The following NUDCD3 variants were observed in gnomAD, a reference collection of about 807,000 sequenced individuals.
NUDCD3 encodes the protein NudC domain containing 3.
NUDCD3 carries 13 observed loss-of-function variants against 39.7 expected under a neutral mutation model. The observed-to-expected ratio is 0.33, with a 90% CI of 0.21 to 0.52. The LOEUF is 0.52. Ranked by LOEUF, NUDCD3 falls within the 20% of genes least tolerant of loss-of-function variation. The pLI is 0.96. For synonymous variants in NUDCD3, 175 were observed against 172.4 expected (o/e 1.02, Z -0.12); for missense variants, 453 against 458.1 (o/e 0.99, Z 0.10).
intron 2 of NUDCD3, among the ~76,000 whole-genome samples, chr7:44,469,939 A>T (rs1325003379): frequency 2.6e-5 from 4 of 152,194 alleles, no homozygotes. Context: ...CTGAAGAGAG[A>T]CACAACCACG....
intron 2 of NUDCD3, among the ~76,000 whole-genome samples, chr7:44,462,135 G>C (rs1800028293): frequency 6.6e-6 from 1 of 151,666 alleles, no homozygotes; most frequent in Non-Finnish European, 1.5e-5. Context: ...GAATTATCAG[G>C]GACATGTACA....
At chr7:44,440,469 C>T (rs527661667) in intron 2 of NUDCD3, among the ~76,000 whole-genome samples, 1 of 107,756 alleles carries the variant, frequency 9.3e-6, no homozygotes, top group African/African-American at 3.5e-5. Context: ...AAAAGGGACA[C>T]TAACTAGTGA....
chr7:44,430,549 A>C (rs1217711832), intron 2 of NUDCD3, among the ~76,000 whole-genome samples: 1 of 141,764 alleles, frequency 7.1e-6, no homozygotes, highest in Non-Finnish European at 1.5e-5. Context: ...ATATAAATAA[A>C]ATACCCACAC....
At chr7:44,466,727 T>C (rs1385031873) in intron 2 of NUDCD3, among the ~76,000 whole-genome samples, 1 of 152,224 alleles carries the variant, frequency 6.6e-6, no homozygotes, top group Non-Finnish European at 1.5e-5. Flanking sequence ...AGGTCACAGC[T>C]AGTCCTACCT....
intron 2 of NUDCD3, among the ~76,000 whole-genome samples, chr7:44,482,077 AAAC>A (rs1232591971): frequency 1.3e-5 from 2 of 152,240 alleles, no homozygotes; most frequent in Non-Finnish European, 2.9e-5. Context: ...GGACTATGAC[AAAC>A]AACTTTGTAT....
intron 2 of NUDCD3, among the ~76,000 whole-genome samples, chr7:44,451,108 A>T (rs1252972441): frequency 6.6e-6 from 1 of 152,256 alleles, no homozygotes; most frequent in Admixed American, 6.5e-5. Flanking sequence ...GGATGAATGG[A>T]TAAACAAAAT....
intron 3 of NUDCD3, among the ~76,000 whole-genome samples, chr7:44,413,816 A>T (rs1229631546): frequency 6.6e-6 from 1 of 152,170 alleles, no homozygotes; most frequent in Non-Finnish European, 1.5e-5. Flanking sequence ...ACTTTGGGAG[A>T]CCAAGGTAAA....
chr7:44,466,765 A>G (rs1162463584), intron 2 of NUDCD3, among the ~76,000 whole-genome samples: 1 of 152,258 alleles, frequency 6.6e-6, no homozygotes, highest in East Asian at 1.9e-4. Flanking sequence ...CTCTAGCAGC[A>G]GCAGAATAGA....
At chr7:44,399,908 C>T (rs1172935203) in intron 4 of NUDCD3, among the ~76,000 whole-genome samples, 1 of 152,228 alleles carries the variant, frequency 6.6e-6, no homozygotes, top group Non-Finnish European at 1.5e-5. Flanking sequence ...TCAAAGAATA[C>T]TCCAGAGCAA....
At position 44,468,187 on chromosome 7, in the gene NUDCD3, C is replaced by A. The variant is rs780005366; in HGVS notation, c.509+16781G>T. The stretch of plus-strand genomic sequence containing the variant: ...TGATGTGCAACAAATCTTACTGTGC[C>A]GAGATCGCTCACAATGTTTCCTCCA... On this transcript the variant is annotated intron_variant, in intron 2 of 5. Coordinates refer to ENST00000355451, the MANE Select transcript of NUDCD3 (RefSeq NM_015332.4). The A allele has an allele frequency of 7.5e-6, 12 of 1,601,226 alleles. No homozygotes were observed. The South Asian group carries it at 9.9e-5, about 13-fold the overall frequency.
chr7:44,461,168 G>A (rs201606165), intron 2 of NUDCD3, among the ~76,000 whole-genome samples: 5 of 151,998 alleles, frequency 3.3e-5, no homozygotes, highest in East Asian at 3.9e-4. Context: ...TGGCTTCTTC[G>A]GCCCTGCACC....
At chr7:44,411,830 G>A (rs1798931307) in intron 3 of NUDCD3, among the ~76,000 whole-genome samples, 1 of 152,222 alleles carries the variant, frequency 6.6e-6, no homozygotes, top group Non-Finnish European at 1.5e-5. Flanking sequence ...CATATGTCCA[G>A]AGAACTGGAA....
chr7:44,469,308 G>A (rs543279249), intron 2 of NUDCD3, among the ~76,000 whole-genome samples: 2 of 151,880 alleles, frequency 1.3e-5, no homozygotes, highest in South Asian at 2.1e-4. Context: ...CAGCTCATGG[G>A]AATACTCATT....
rs140592057 is a variant in NUDCD3 at position 44,407,688 on chromosome 7, T to G, written c.643-3105A>C. On this transcript the variant is annotated intron_variant, in intron 3 of 5. Coordinates refer to ENST00000355451, the MANE Select transcript of NUDCD3 (RefSeq NM_015332.4). ...TTGGAAAAAAGATATCCAAAAATAT[T>G]TCTATTTTATGTCTTCACAGAGATC... Among the ~76,000 whole-genome samples, 46 of 152,040 alleles carry G rather than the reference T, an allele frequency of 3.0e-4. No homozygotes were observed. In the East Asian group the frequency reaches 7.3e-3, roughly 24 times the overall value.
chr7:44,462,329 C>T (rs959052541), intron 2 of NUDCD3, among the ~76,000 whole-genome samples: 1 of 152,226 alleles, frequency 6.6e-6, no homozygotes, highest in Admixed American at 6.5e-5. Context: ...TTCCAGGGCT[C>T]GAGTTACAGT....
At chr7:44,486,884 G>T (rs1281560285) in intron 1 of NUDCD3, among the ~76,000 whole-genome samples, 1 of 152,134 alleles carries the variant, frequency 6.6e-6, no homozygotes, top group Non-Finnish European at 1.5e-5. Flanking sequence ...ACTATCACAT[G>T]TTCTCAGTAC....
chr7:44,427,701 A>G lies in NUDCD3; in HGVS notation c.512T>C (p.Ile171Thr). ...GGGATTTTTCTGGAACTGCTCCTGA[A>G]TCCTGAGAAAGAATAAAAAATGTGA... ...VPREPPILPR[I>T]QEQFQKNPDS... The change falls in exon 3 of 6, where the codon ATT (isoleucine) becomes ACT (threonine). Residue 171 changes from isoleucine (I) to threonine (T), a missense_variant and splice_region_variant. Coordinates refer to ENST00000355451, the MANE Select transcript of NUDCD3 (RefSeq NM_015332.4). 1 of 1,613,884 alleles carries G rather than the reference A, an allele frequency of 6.2e-7. No individual in the cohort carries two copies. Among genetic ancestry groups the G allele is most frequent in the Non-Finnish European group, 8.5e-7 (1 of 1,179,916 alleles).
chr7:44,445,446 C>T (rs1295631095), intron 2 of NUDCD3, among the ~76,000 whole-genome samples: 1 of 152,228 alleles, frequency 6.6e-6, no homozygotes, highest in African/African-American at 2.4e-5. Flanking sequence ...GGAATATCAG[C>T]ATCCCTTTAA....
intron 3 of NUDCD3, among the ~76,000 whole-genome samples, chr7:44,406,434 A>G (rs1458117066): frequency 1.3e-5 from 2 of 152,246 alleles, no homozygotes; most frequent in African/African-American, 2.4e-5. Context: ...TGATCCAGAC[A>G]CATGTTGGGC....
Sources: allele counts gnomAD v4.1 joint callset (sites outside exome capture counted in the v4.1 genomes callset), GRCh38; gene constraint gnomAD v4.1.1; transcripts MANE v1.5; gene names NCBI Gene and HGNC (gene_info 2026-07-23, HGNC 2026-07-21).